The following XYLT1 variants were observed in gnomAD, a reference collection of about 807,000 sequenced individuals.
XYLT1 encodes the protein xylosyltransferase 1.
A neutral mutation model predicts 91.3 loss-of-function variants in XYLT1; 36 were observed. The ratio of observed to expected loss-of-function variants is 0.39; its 90% CI spans 0.30 to 0.52. The LOEUF is 0.52. Ranked by LOEUF, XYLT1 falls within the 20% of genes least tolerant of loss-of-function variation. XYLT1 has a pLI of 0.68. For synonymous variants in XYLT1, 588 were observed against 532.0 expected, an observed-to-expected ratio of 1.11 and a Z score of -1.45; for missense variants, 1,242 against 1,284.5, an observed-to-expected ratio of 0.97 and a Z score of 0.51.
intron 1 of XYLT1, among the ~76,000 whole-genome samples, chr16:17,417,789 A>G (rs1420735080): frequency 6.6e-6 from 1 of 152,238 alleles, no homozygotes; most frequent in African/African-American, 2.4e-5. Flanking sequence ...TGTTCTGGGA[A>G]TTCTAAGCCT....
chr16:17,207,244 G>A (rs2032667100), intron 3 of XYLT1, among the ~76,000 whole-genome samples: 1 of 151,906 alleles, frequency 6.6e-6, no homozygotes, highest in Admixed American at 6.6e-5. Flanking sequence ...ATTTTTGATA[G>A]AGACAGGGTT....
At chr16:17,351,103 C>T (rs184636173) in intron 2 of XYLT1, among the ~76,000 whole-genome samples, 27 of 152,298 alleles carry the variant, frequency 1.8e-4, no homozygotes, top group Non-Finnish European at 3.2e-4. Flanking sequence ...GAGGTTTCTT[C>T]TCCCATAATG....
intron 1 of XYLT1, among the ~76,000 whole-genome samples, chr16:17,400,628 GGAGGAAGGAAGGAAGGA>G (rs1567189526): frequency 1.5e-3 from 198 of 136,370 alleles, no homozygotes; most frequent in African/African-American, 5.4e-3. Context: ...AGGGAGGAAG[GGAGGAAGGAAGGAAGGA>G]AGGAAGGAAG....
chr16:17,351,065 T>C (rs926006685), intron 2 of XYLT1, among the ~76,000 whole-genome samples: 2 of 152,144 alleles, frequency 1.3e-5, no homozygotes, highest in African/African-American at 4.8e-5. Flanking sequence ...TAGTAAGCCA[T>C]AAATCTCTTA....
chr16:17,323,303 G>GACTAAATTAGACTAAAAAA, intron 2 of XYLT1, among the ~76,000 whole-genome samples: 1 of 152,322 alleles, frequency 6.6e-6, no homozygotes, highest in Non-Finnish European at 1.5e-5. Flanking sequence ...TAATCACGGA[G>GACTAAATTAGACTAAAAAA]ATTAGACTAA....
At position 17,105,431 on chromosome 16, in the gene XYLT1, T is replaced by C. The variant is rs78119507; in HGVS notation, c.*3264A>G. The C allele has an allele frequency of 5.3e-5, 8 of 152,198 alleles. No homozygotes were observed. The East Asian group carries it at 9.6e-4, about 18-fold the overall frequency. The allele number at this position is 152,198 out of a possible 1,614,324, so 9.4% of individuals were successfully genotyped here. On this transcript the variant is annotated 3_prime_UTR_variant, in exon 12 of 12. Transcript: ENST00000261381. ...GATCTCACCAGGAAAGCCTTTTTTT[T>C]CCCCTGCAAAGGGAGAAAGCAGCGC...
intron 1 of XYLT1, among the ~76,000 whole-genome samples, chr16:17,388,104 T>A (rs2035769004): frequency 6.6e-6 from 1 of 152,170 alleles, no homozygotes; most frequent in Non-Finnish European, 1.5e-5. Flanking sequence ...TTAAACATGC[T>A]CAGAACACTG....
At chr16:17,416,641 A>G (rs535313977) in intron 1 of XYLT1, among the ~76,000 whole-genome samples, 2 of 152,120 alleles carry the variant, frequency 1.3e-5, no homozygotes, top group Non-Finnish European at 2.9e-5. Flanking sequence ...TGGCATGTCA[A>G]TGTCAACAGC....
At chr16:17,409,554 T>A (rs1002237465) in intron 1 of XYLT1, among the ~76,000 whole-genome samples, 3 of 149,688 alleles carry the variant, frequency 2.0e-5, no homozygotes, top group Non-Finnish European at 4.5e-5. Flanking sequence ...CACTTTTTTT[T>A]TTTTTTTTTT....
chr16:17,406,650 C>T (rs2036036496), intron 1 of XYLT1, among the ~76,000 whole-genome samples: 5 of 152,310 alleles, frequency 3.3e-5, no homozygotes, highest in Admixed American at 3.3e-4. Flanking sequence ...ACCAGGAGGC[C>T]CTGGGGAAGA....
At chr16:17,357,199 A>AAAAAAAC (rs2035312842) in intron 2 of XYLT1, among the ~76,000 whole-genome samples, 1 of 147,742 alleles carries the variant, frequency 6.8e-6, no homozygotes, top group African/African-American at 2.5e-5. Context: ...AAAAAAAAAA[A>AAAAAAAC]CGCTACCACT....
chr16:17,465,564 G>C lies in XYLT1; in HGVS notation c.363+4870C>G, dbSNP rs550094732. Among the ~76,000 whole-genome samples the C allele has an allele frequency of 6.5e-4, 95 of 146,394 alleles. 3 individuals carry two copies. The highest frequency in any genetic ancestry group is 1.9e-3 in the African/African-American group (78 of 40,096). The stretch of plus-strand genomic sequence containing the variant: ...TTTTTTGTGTTTTTTTTTGGGGGGG[G>C]GGGGGGTGAGCATTTAATAACCTAA... On this transcript the variant is annotated intron_variant, in intron 1 of 11. Transcript: ENST00000261381.
Position 17,310,916 on chromosome 16 carries a change from C to T in XYLT1, c.402+47096G>A, listed in dbSNP as rs528582450. ...TTCCGAGTGTAGACAAAGAGGGTTT[C>T]TTTCAGGGGTCATGTCCCACAGCTC... On this transcript the variant is annotated intron_variant, in intron 2 of 11. Coordinates refer to ENST00000261381, the MANE Select transcript of XYLT1 (RefSeq NM_022166.4). Among the ~76,000 whole-genome samples the T allele has an allele frequency of 1.4e-4, 22 of 152,236 alleles. No homozygotes were observed. In the South Asian group the frequency reaches 4.6e-3, roughly 32 times the overall value.
intron 2 of XYLT1, among the ~76,000 whole-genome samples, chr16:17,269,191 T>C (rs943412336): frequency 7.2e-5 from 11 of 151,968 alleles, no homozygotes; most frequent in African/African-American, 2.4e-4. Context: ...CTTTTTTATT[T>C]ATTTATTTTT....
chr16:17,322,837 T>C (rs527924749), intron 2 of XYLT1, among the ~76,000 whole-genome samples: 5 of 152,342 alleles, frequency 3.3e-5, no homozygotes, highest in Admixed American at 2.0e-4. Context: ...CTATAGACTA[T>C]AGACTCCATG....
chr16:17,205,137 C>T (rs1029249778), intron 3 of XYLT1, among the ~76,000 whole-genome samples: 2 of 152,182 alleles, frequency 1.3e-5, no homozygotes, highest in South Asian at 2.1e-4. Context: ...TATATTTTTG[C>T]AGTGCAGGTG....
At chr16:17,222,163 G>A (rs2032980761) in intron 3 of XYLT1, among the ~76,000 whole-genome samples, 1 of 152,186 alleles carries the variant, frequency 6.6e-6, no homozygotes, top group African/African-American at 2.4e-5. Flanking sequence ...AGTTAGTAAT[G>A]GAGAGAAGAA....
intron 11 of XYLT1, among the ~76,000 whole-genome samples, chr16:17,110,795 G>A (rs1966839375): frequency 6.6e-6 from 1 of 152,150 alleles, no homozygotes; most frequent in Admixed American, 6.5e-5. Flanking sequence ...CAAAGGCAGT[G>A]CTTATCACTC....
chr16:17,259,727 AAG>A (rs2033694261), intron 2 of XYLT1, among the ~76,000 whole-genome samples: 2 of 152,178 alleles, frequency 1.3e-5, no homozygotes, highest in Non-Finnish European at 2.9e-5. Flanking sequence ...TCAAGCTCTA[AAG>A]TGCCATGACT....
Sources: allele counts gnomAD v4.1 joint callset (sites outside exome capture counted in the v4.1 genomes callset), GRCh38; gene constraint gnomAD v4.1.1; transcripts MANE v1.5; gene names NCBI Gene and HGNC (gene_info 2026-07-23, HGNC 2026-07-21).